CRIPT: variants seen among roughly 807,000 people sequenced by gnomAD.
The protein encoded by CRIPT is CXXC repeat containing interactor of PDZ3 domain, also known as cysteine-rich PDZ-binding protein.
A neutral mutation model predicts 16.6 loss-of-function variants in CRIPT; 20 were observed. The ratio of observed to expected loss-of-function variants is 1.20; its 90% CI spans 0.85 to 1.75. The LOEUF (loss-of-function observed/expected upper bound fraction) is 1.75, where lower values mean the gene tolerates loss of function less well. Among genes scored for constraint, CRIPT ranks in the 40% most tolerant of loss-of-function variants. The probability of loss-of-function intolerance (pLI) is 0.00; values close to 1 mark genes in which losing one functional copy is unlikely to be tolerated. For missense variants in CRIPT, 133 were observed against 115.3 expected (o/e 1.15, Z -0.70); for synonymous variants, 42 against 37.0 (o/e 1.14, Z -0.49).
At chr2:46,619,498 C>T in intron 2 of CRIPT, 129 bp from the exon 3 acceptor site, 2 of 563,788 alleles carry the variant, frequency 3.5e-6, no homozygotes, top group Non-Finnish European at 6.2e-6. Flanking sequence ...TCTTAATAAC[C>T]TATTAAATGA....
At chr2:46,620,696 A>ATG (rs386390113) in intron 3 of CRIPT, among the ~76,000 whole-genome samples, 2 of 147,522 alleles carry the variant, frequency 1.4e-5, no homozygotes, top group Non-Finnish European at 3.0e-5. Flanking sequence ...TTATATATAT[A>ATG]TATATGTAAT....
At position 46,623,725 on chromosome 2, in the gene CRIPT, T is replaced by C. The variant is rs201527688; in HGVS notation, c.138-39T>C. The C allele has an allele frequency of 1.1e-4, 125 of 1,122,504 alleles. 1 individual carries two copies. In the East Asian group the frequency reaches 2.4e-3, roughly 21 times the overall value. The allele number at this position is 1,122,504 out of a possible 1,614,324, so 69.5% of individuals were successfully genotyped here. A position where few individuals can be genotyped will look rare whatever the true frequency, so the allele number is the denominator to read the frequency against. Reference sequence around the variant, plus strand: ...TGGGGTTATTTAAGAGTGTTTCTAGTGTAATATACAATTTTCTCTCTTTAA... The same window carrying C: ...TGGGGTTATTTAAGAGTGTTTCTAGCGTAATATACAATTTTCTCTCTTTAA... On this transcript the variant is annotated intron_variant, in intron 3 of 4. Coordinates refer to ENST00000238892, the MANE Select transcript of CRIPT (RefSeq NM_014171.6).
In CRIPT at chr2:46,628,276, T is replaced by G. The variant is rs932659998; in HGVS notation, c.*4049T>G. 5.3e-5 allele frequency among the ~76,000 whole-genome samples: 8 copies of G among 151,988 alleles called. No individual in the cohort carries two copies. The highest frequency in any genetic ancestry group is 1.4e-4 in the African/African-American group (6 of 41,392). On this transcript the variant is annotated 3_prime_UTR_variant, in exon 5 of 5. Coordinates refer to ENST00000238892, the MANE Select transcript of CRIPT (RefSeq NM_014171.6). ...CAGGAGCCCGCCAACCATGCCCAGC[T>G]AATTTATGTAATTTTAGTAGAGATG...
chr2:46,623,815 T>G lies in CRIPT; in HGVS notation c.189T>G (p.Ser63Arg). 6.2e-7 allele frequency: 1 copy of G among 1,611,334 alleles called. No individual in the cohort carries two copies. Among genetic ancestry groups the G allele is most frequent in the Non-Finnish European group, 8.5e-7 (1 of 1,178,478 alleles). Residue 63 changes from serine (S) to arginine (R), a missense_variant, in exon 4 of 5, where the codon AGT becomes AGG. Ser to Arg is a moderately radical substitution (Grantham distance 110). Coordinates refer to ENST00000238892, the MANE Select transcript of CRIPT (RefSeq NM_014171.6). ...TCTCCACTTGTAGAATTTGTAAAAG[T>G]TCTGTGCACCAACCAGGTTCTCATT... ...NKFSTCRICK[S>R]SVHQPGSHYC...
rs1670941638 is a variant in CRIPT at position 46,626,436 on chromosome 2, A to G, written c.*2209A>G. On this transcript the variant is annotated 3_prime_UTR_variant, in exon 5 of 5. Coordinates refer to ENST00000238892, the MANE Select transcript of CRIPT (RefSeq NM_014171.6). The stretch of plus-strand genomic sequence containing the variant: ...CTTTTTGGTAGAACAATTTATTTTC[A>G]TTTGGATTTATATCCAGTCATGGGA... 6.6e-6 allele frequency among the ~76,000 whole-genome samples: 1 copy of G among 152,172 alleles called. No homozygotes were observed. Among genetic ancestry groups the G allele is most frequent in the South Asian group, 2.1e-4 (1 of 4,832 alleles).
chr2:46,622,444 A>G (rs1388049499), intron 3 of CRIPT, among the ~76,000 whole-genome samples: 2 of 152,212 alleles, frequency 1.3e-5, no homozygotes, highest in African/African-American at 4.8e-5. Context: ...AAGAAAAAAT[A>G]GCCTCTGGAA....
At chr2:46,619,741 C>T in intron 3 of CRIPT, 60 bp downstream of exon 3, 2 of 1,321,154 alleles carry the variant, frequency 1.5e-6, no homozygotes, top group Non-Finnish European at 2.2e-6. Flanking sequence ...ATTAAGTCTG[C>T]TGGAGTGAAT....
At chr2:46,621,394 G>A (rs377306408) in intron 3 of CRIPT, among the ~76,000 whole-genome samples, 34 of 152,272 alleles carry the variant, frequency 2.2e-4, no homozygotes, top group African/African-American at 7.9e-4. Context: ...TAGAGCTTAC[G>A]TATCTGCCTC....
rs1262459812 is a variant in CRIPT at position 46,618,765 on chromosome 2, T to C, written c.17-8T>C. 6.3e-7 allele frequency: 1 copy of C among 1,586,072 alleles called. No individual in the cohort carries two copies. Among genetic ancestry groups the C allele is most frequent in the Admixed American group, 1.7e-5 (1 of 58,232 alleles). ...TTTAATTTTCCTTTTACTATCTTGTTCTAACAGGTGAAAAGAAACTTGGTA... is the reference window on the plus strand; with the variant it reads ...TTTAATTTTCCTTTTACTATCTTGTCCTAACAGGTGAAAAGAAACTTGGTA... On this transcript the variant is annotated splice_polypyrimidine_tract_variant and splice_region_variant and intron_variant, in intron 1 of 4. Transcript: ENST00000238892.
chr2:46,625,136 C>T lies in CRIPT; in HGVS notation c.*909C>T, dbSNP rs914228802. The stretch of plus-strand genomic sequence containing the variant: ...TGCCCAGGGTGGAGTGCAGAGGTAT[C>T]ATCAGGCTCTCTGCAGCCTCCATCT... On this transcript the variant is annotated 3_prime_UTR_variant, in exon 5 of 5. Transcript: ENST00000238892. 5 of 136,992 alleles carry T rather than the reference C, an allele frequency of 3.6e-5. No homozygotes were observed. Among genetic ancestry groups the T allele is most frequent in the African/African-American group, 1.4e-4 (5 of 34,886 alleles). 8.5% of individuals were successfully genotyped at this position (136,992 alleles called of 1,614,324 possible). A position where few individuals can be genotyped will look rare whatever the true frequency, so the allele number is the denominator to read the frequency against.
rs1211645178 is a variant in CRIPT, at chr2:46,629,693, C to T, written c.*5466C>T. ...TGTATTGCAGGTATACATCCAGATG[C>T]ACAGAATGTCCATTTGTCCCTTATT... On this transcript the variant is annotated 3_prime_UTR_variant, in exon 5 of 5. Transcript: ENST00000238892. 6.6e-6 allele frequency among the ~76,000 whole-genome samples: 1 copy of T among 152,178 alleles called. No homozygotes were observed. Among genetic ancestry groups the T allele is most frequent in the Non-Finnish European group, 1.5e-5 (1 of 68,018 alleles).
Position 46,628,617 on chromosome 2 carries a change from C to G in CRIPT, c.*4390C>G, listed in dbSNP as rs1416868595. 6.6e-6 allele frequency among the ~76,000 whole-genome samples: 1 copy of G among 152,160 alleles called. No individual in the cohort carries two copies. Among genetic ancestry groups the G allele is most frequent in the Non-Finnish European group, 1.5e-5 (1 of 68,032 alleles). ...GTCCAGCTCACATTTTATCTTCATA[C>G]TTTGAGTAGCCTCCTTCCATGAATG... On this transcript the variant is annotated 3_prime_UTR_variant, in exon 5 of 5. Coordinates refer to ENST00000238892, the MANE Select transcript of CRIPT (RefSeq NM_014171.6).
intron 3 of CRIPT, 93 bp downstream of exon 3, chr2:46,619,774 C>T (rs1316895319): frequency 2.4e-5 from 23 of 969,804 alleles, no homozygotes; most frequent in Non-Finnish European, 3.7e-5. Context: ...ATTCCATTTG[C>T]AATAAAACAG....
At position 46,626,749 on chromosome 2, in the gene CRIPT, G is replaced by A. The variant is rs562529306; in HGVS notation, c.*2522G>A. Among the ~76,000 whole-genome samples, 4 of 152,056 alleles carry A rather than the reference G, an allele frequency of 2.6e-5. No homozygotes were observed. Among genetic ancestry groups the A allele is most frequent in the African/African-American group, 4.8e-5 (2 of 41,458 alleles). ...GAGCATTTTTTCATGTTTGTTAACC[G>A]CTTGTATGTTGTCTTTTGAGAAGTG... On this transcript the variant is annotated 3_prime_UTR_variant, in exon 5 of 5. Transcript: ENST00000238892.
Position 46,617,219 on chromosome 2 carries a change from T to A in CRIPT, c.-64T>A. On this transcript the variant is annotated 5_prime_UTR_variant, in exon 1 of 5. Transcript: ENST00000238892. ...GAAGGGGAATACTTCCAAGTTGTAG[T>A]GTTGTTGTTTTCAGCCTGCTGCTGC... is the stretch of plus-strand genomic sequence containing the variant. 1 of 1,548,938 alleles carries A rather than the reference T, an allele frequency of 6.5e-7. No individual in the cohort carries two copies. The highest frequency in any genetic ancestry group is 8.7e-7 in the Non-Finnish European group (1 of 1,145,106).
rs959585853 is a variant in CRIPT at position 46,629,270 on chromosome 2, G to T, written c.*5043G>T. On this transcript the variant is annotated 3_prime_UTR_variant, in exon 5 of 5. Transcript: ENST00000238892. The stretch of plus-strand genomic sequence containing the variant: ...TGGGGGTGTGTATCCTAGAATCCTC[G>T]ACCCATTAGAAAGTATATTGTAGAC... Among the ~76,000 whole-genome samples, 2 of 151,930 alleles carry T rather than the reference G, an allele frequency of 1.3e-5. No homozygotes were observed. Among genetic ancestry groups the T allele is most frequent in the Non-Finnish European group, 2.9e-5 (2 of 67,992 alleles).
Position 46,624,999 on chromosome 2 carries a change from TA to T in CRIPT, c.*773del, listed in dbSNP as rs1217244761. On this transcript the variant is annotated 3_prime_UTR_variant, in exon 5 of 5. Transcript: ENST00000238892. The stretch of plus-strand genomic sequence containing the variant: ...AACCAAACTTTTTTTTTTTTTTTTT[TA>T]CCTCCTGTCTTGCCCCCTAAAAGAA... 6.6e-6 allele frequency: 1 copy of T among 150,968 alleles called. No homozygotes were observed. Among genetic ancestry groups the T allele is most frequent in the Non-Finnish European group, 1.5e-5 (1 of 67,802 alleles). 9.4% of individuals were successfully genotyped at this position (150,968 alleles called of 1,614,324 possible).
rs1422264187 is a variant in CRIPT at position 46,626,574 on chromosome 2, A to C, written c.*2347A>C. ...TCAGTGTAGGCGCATTCTACACTGC[A>C]CTGGCTTCTACAGTGTTGAAGCATT... On this transcript the variant is annotated 3_prime_UTR_variant, in exon 5 of 5. Transcript: ENST00000238892. 2.0e-5 allele frequency among the ~76,000 whole-genome samples: 3 copies of C among 152,202 alleles called. No individual in the cohort carries two copies. The highest frequency in any genetic ancestry group is 4.8e-5 in the African/African-American group (2 of 41,452).
intron 3 of CRIPT, among the ~76,000 whole-genome samples, chr2:46,620,905 C>G (rs2104169020): frequency 6.6e-6 from 1 of 152,040 alleles, no homozygotes; most frequent in South Asian, 2.1e-4. Context: ...TTGTTCAAGC[C>G]TAAAAGCTAG....
Sources: allele counts gnomAD v4.1 joint callset (sites outside exome capture counted in the v4.1 genomes callset), GRCh38; gene constraint gnomAD v4.1.1; transcripts MANE v1.5; gene names NCBI Gene and HGNC (gene_info 2026-07-23, HGNC 2026-07-21).